Variants in ZBTB37 observed in about 807,000 individuals in gnomAD.
ZBTB37 encodes the protein zinc finger and BTB domain containing 37, also known as zinc finger and BTB domain-containing protein 37.
ZBTB37 carries 15 observed loss-of-function variants against 37.7 expected under a neutral mutation model. The ratio of observed to expected loss-of-function variants is 0.40; its 90% CI spans 0.27 to 0.61. The LOEUF is 0.61. Among genes scored for constraint, ZBTB37 ranks in the 20% least tolerant of loss-of-function variants. ZBTB37 has a pLI of 0.44. For missense variants in ZBTB37, 514 were observed against 641.9 expected, an observed-to-expected ratio of 0.80 and a Z score of 2.15; for synonymous variants, 231 against 220.6, an observed-to-expected ratio of 1.05 and a Z score of -0.42.
intron 3 of ZBTB37, among the ~76,000 whole-genome samples, chr1:173,872,964 G>T (rs944487962): frequency 6.6e-6 from 1 of 150,788 alleles, no homozygotes; most frequent in Non-Finnish European, 1.5e-5. Flanking sequence ...CTGGGATCAC[G>T]CCACTGTACT....
At chr1:173,874,781 A>G (rs1655827660) in intron 4 of ZBTB37, among the ~76,000 whole-genome samples, 1 of 152,240 alleles carries the variant, frequency 6.6e-6, no homozygotes, top group Non-Finnish European at 1.5e-5. Flanking sequence ...AGTCAATGCA[A>G]TAAAGCAAGA....
At chr1:173,874,767 T>C (rs535585453) in intron 4 of ZBTB37, among the ~76,000 whole-genome samples, 5 of 152,186 alleles carry the variant, frequency 3.3e-5, no homozygotes, top group Non-Finnish European at 7.4e-5. Context: ...TTATTTGTAG[T>C]CCTAGTCAAT....
At chr1:173,868,604 G>A (rs1655202227) in intron 1 of ZBTB37, 199 bp downstream of exon 1, 1 of 152,224 alleles carries the variant, frequency 6.6e-6, no homozygotes, top group Non-Finnish European at 1.5e-5. Flanking sequence ...GCCCCCTCGC[G>A]GGGCCCCTCC....
At chr1:173,881,187 G>A (rs576937684) in intron 4 of ZBTB37, among the ~76,000 whole-genome samples, 14 of 150,166 alleles carry the variant, frequency 9.3e-5, no homozygotes, top group African/African-American at 2.7e-4. Context: ...TCCCACCTAT[G>A]AGTGAGAACA....
exon 4 of ZBTB37, chr1:173,894,392 T>G (rs991606048): frequency 3.3e-5 from 5 of 152,128 alleles, no homozygotes; most frequent in Non-Finnish European, 5.9e-5. Flanking sequence ...ATTCAGCAGG[T>G]GGTTAGACAA....
intron 4 of ZBTB37, among the ~76,000 whole-genome samples, chr1:173,875,317 C>CATATATAT (rs1156598476): frequency 2.0e-4 from 25 of 122,022 alleles, no homozygotes; most frequent in South Asian, 2.5e-4. Flanking sequence ...TATATGTGTG[C>CATATATAT]ATATATATAT....
intron 2 of ZBTB37, among the ~76,000 whole-genome samples, chr1:173,869,651 G>T (rs1016647388): frequency 8.1e-5 from 4 of 49,384 alleles, no homozygotes; most frequent in South Asian, 4.8e-4. Context: ...GTCTTTTTGT[G>T]GGGGGGGCTC....
At chr1:173,890,656 CA>C (rs1656806305), downstream of ZBTB37, 1 of 152,158 alleles carries the variant, frequency 6.6e-6, no homozygotes, top group Non-Finnish European at 1.5e-5. Flanking sequence ...ATGTCCTCAG[CA>C]AAATATACCC....
At chr1:173,887,750 G>A (rs1656687741), downstream of ZBTB37, 1 of 152,212 alleles carries the variant, frequency 6.6e-6, no homozygotes, top group East Asian at 1.9e-4. Context: ...AATTGTTTCA[G>A]TGCAGAGGCA....
exon 3 of ZBTB37, chr1:173,870,581 C>T (rs1266477419): frequency 6.2e-7 from 1 of 1,614,066 alleles, no homozygotes; most frequent in Non-Finnish European, 8.5e-7. Context: ...GACAAATGTA[C>T]ACAGATCCTG....
downstream of ZBTB37, chr1:173,887,948 G>A (rs1451497149): frequency 6.6e-6 from 1 of 151,972 alleles, no homozygotes; most frequent in Admixed American, 6.6e-5. Context: ...TAAGCAATCT[G>A]AGAATTGTAC....
At chr1:173,886,402 G>T in exon 5 of ZBTB37, 1 of 416,850 alleles carries the variant, frequency 2.4e-6, no homozygotes, top group Non-Finnish European at 4.3e-6. Flanking sequence ...AAGAAAAAAG[G>T]TTTTTTAACA....
chr1:173,887,792 A>G (rs964696329), downstream of ZBTB37: 8 of 152,346 alleles, frequency 5.3e-5, no homozygotes, highest in South Asian at 2.1e-4. Flanking sequence ...TGGCAGAGGG[A>G]CAGGTTGTAC....
chr1:173,885,669 T>C, exon 5 of ZBTB37: 3 of 1,552,194 alleles, frequency 1.9e-6, no homozygotes, highest in Non-Finnish European at 2.6e-6. Context: ...AGTAAGTGGC[T>C]ATGTGGAGTA....
intron 4 of ZBTB37, among the ~76,000 whole-genome samples, chr1:173,880,229 GTAAC>G (rs1168352039): frequency 2.0e-5 from 3 of 152,250 alleles, no homozygotes; most frequent in Admixed American, 1.3e-4. Context: ...GTAATTCTAA[GTAAC>G]TAAGTTTACT....
chr1:173,902,047 G>A (rs907192463), exon 4 of ZBTB37: 5 of 152,140 alleles, frequency 3.3e-5, no homozygotes, highest in African/African-American at 1.2e-4. Flanking sequence ...CTCATCTTGA[G>A]CCCATCACAT....
chr1:173,884,832 C>T (rs988368115), intron 4 of ZBTB37, among the ~76,000 whole-genome samples: 1 of 152,146 alleles, frequency 6.6e-6, no homozygotes, highest in Non-Finnish European at 1.5e-5. Context: ...ACTGAAAGCA[C>T]TTAAAATTGT....
chr1:173,885,391 A>T (rs1248912396), intron 4 of ZBTB37, among the ~76,000 whole-genome samples: 1 of 152,186 alleles, frequency 6.6e-6, no homozygotes, highest in African/African-American at 2.4e-5. Context: ...TTTAATAAGC[A>T]TCCAGTTTGT....
rs143211330 is a variant in ZBTB37 at position 173,873,492 on chromosome 1, C to A, written c.949C>A (p.Pro317Thr). The A allele has an allele frequency of 7.7e-3, 12,415 of 1,613,334 alleles. 67 individuals are homozygous for A. The highest frequency in any genetic ancestry group is 9.0e-3 in the Non-Finnish European group (10,650 of 1,179,672). ...ATTTAGCCCCTCCGGCAGTGTTGTTCCCTTGACAGAGAGACACAGAGCCAG... is the reference window on the plus strand; with the variant it reads ...ATTTAGCCCCTCCGGCAGTGTTGTTACCTTGACAGAGAGACACAGAGCCAG... The change falls in exon 4 of 5, where the codon CCC becomes ACC. Residue 317 changes from proline (P) to threonine (T), a missense_variant. Pro to Thr is a conservative substitution (Grantham distance 38). Transcript: ENST00000427304.
Sources: allele counts gnomAD v4.1 joint callset (sites outside exome capture counted in the v4.1 genomes callset), GRCh38; gene constraint gnomAD v4.1.1; transcripts MANE v1.5; gene names NCBI Gene and HGNC (gene_info 2026-07-23, HGNC 2026-07-21).